TBC1D8B: variants seen among roughly 807,000 people sequenced by gnomAD.
TBC1D8B encodes the protein TBC1 domain family member 8B.
A neutral mutation model predicts 82.9 loss-of-function variants in TBC1D8B; 75 were observed. That is an observed-to-expected ratio of 0.90 (90% confidence interval 0.75 to 1.10). The LOEUF is 1.10. TBC1D8B is among the 50% of genes least tolerant of loss of function. The probability of loss-of-function intolerance (pLI) is 0.00; values close to 1 mark genes in which losing one functional copy is unlikely to be tolerated. For synonymous variants in TBC1D8B, 276 were observed against 276.8 expected (o/e 1.00, Z 0.03); for missense variants, 794 against 796.9 (o/e 1.00, Z 0.04).
At chrX:106,812,237 A>G (rs1304966155) in intron 1 of TBC1D8B, among the ~76,000 whole-genome samples, 1 of 111,684 alleles carries the variant, frequency 9.0e-6, no homozygotes, top group Non-Finnish European at 1.9e-5. Context: ...CACAAACTTT[A>G]TTGAGCACAC....
rs138021287 is a variant in TBC1D8B at position 106,839,341 on chromosome X, G to C, written c.1237G>C (p.Asp413His). The C allele has an allele frequency of 3.0e-5, 36 of 1,184,973 alleles. No individual in the cohort carries two copies. The African/African-American group carries it at 4.4e-4, about 15-fold the overall frequency. Residue 413 changes from aspartate to histidine, a missense_variant, in exon 8 of 21, where the codon GAT (aspartate) becomes CAT (histidine). Transcript: ENST00000357242. ...TAGTTCTGAGTCTACAGAGCCATCT[G>C]ATAATTTTGAGGTGCAATCTTTGAC... is the stretch of plus-strand genomic sequence containing the variant. Reference protein sequence around the residue: ...AISSESTEPSDNFEVQSLTSQ... With the variant: ...AISSESTEPSHNFEVQSLTSQ...
At chrX:106,813,494 G>C (rs1931439533) in intron 1 of TBC1D8B, among the ~76,000 whole-genome samples, 2 of 111,731 alleles carry the variant, frequency 1.8e-5, no homozygotes, top group Admixed American at 9.5e-5. Flanking sequence ...CATTTCTGCT[G>C]CCAAAAAGTG....
At chrX:106,861,622 A>G (rs1468921785) in intron 14 of TBC1D8B, among the ~76,000 whole-genome samples, 2 of 111,708 alleles carry the variant, frequency 1.8e-5, no homozygotes, top group African/African-American at 6.5e-5. Flanking sequence ...ATGTCATTGC[A>G]TGTGAGATAG....
intron 11 of TBC1D8B, chrX:106,849,234 T>G: frequency 8.9e-7 from 1 of 1,125,432 alleles, no homozygotes; most frequent in Non-Finnish European, 1.2e-6. Context: ...TTTTTTTTTT[T>G]TTTTTTTTAG....
chrX:106,844,858 T>C (rs769692592), intron 10 of TBC1D8B, among the ~76,000 whole-genome samples: 1 of 111,137 alleles, frequency 9.0e-6, no homozygotes, highest in African/African-American at 3.3e-5. Context: ...CCATCTGCTC[T>C]TAGAGTTTGC....
At position 106,821,115 on chromosome X, in the gene TBC1D8B, C is replaced by T. The variant is rs73531153; in HGVS notation, c.360+120C>T. 0.023 allele frequency: 9,181 copies of T among 400,985 alleles called. 733 individuals carry two copies. Among genetic ancestry groups the T allele is most frequent in the African/African-American group, 0.22 (8,191 of 37,922 alleles). The allele number at this position is 400,985 out of a possible 1,213,427, so 33.0% of individuals were successfully genotyped here. A position where few individuals can be genotyped will look rare whatever the true frequency, so the allele number is the denominator to read the frequency against. On this transcript the variant is annotated intron_variant, in intron 3 of 20. Coordinates refer to ENST00000357242, the MANE Select transcript of TBC1D8B (RefSeq NM_017752.3). ...TGGCACCTTTCAGGATTGGTAGAAA[C>T]GAACATATGAATTTCAGAATCAGTG...
intron 1 of TBC1D8B, among the ~76,000 whole-genome samples, chrX:106,811,755 A>T (rs1234985536): frequency 9.0e-6 from 1 of 111,272 alleles, no homozygotes; most frequent in Non-Finnish European, 1.9e-5. Flanking sequence ...TCTGAGGGTT[A>T]CTCTTTTTGT....
chrX:106,873,620 C>A lies in TBC1D8B; in HGVS notation c.3018C>A (p.Asp1006Glu), dbSNP rs763532292. The stretch of plus-strand genomic sequence containing the variant: ...CCCTCTATAACTTATTTCATGAGGA[C>A]CCTGAAGAAGAATCATTATATCAAG... ...SKTLYNLFHE[D>E]PEEESLYQAI... Residue 1006 changes from aspartate to glutamate, a missense_variant, in exon 21 of 21, where the codon GAC (aspartate) becomes GAA (glutamate). By Grantham distance (45) the Asp-to-Glu change is conservative. Transcript: ENST00000357242. The A allele has an allele frequency of 1.7e-6, 2 of 1,209,045 alleles. No individual in the cohort carries two copies. The highest frequency in any genetic ancestry group is 2.2e-5 in the Admixed American group (1 of 45,639).
intron 7 of TBC1D8B, among the ~76,000 whole-genome samples, chrX:106,837,376 G>A (rs1569452789): frequency 9.0e-6 from 1 of 111,537 alleles, no homozygotes; most frequent in Non-Finnish European, 1.9e-5. Context: ...TTTAAAAATG[G>A]TTAAAGGATT....
At position 106,822,168 on chromosome X, in the gene TBC1D8B, T is replaced by G. The variant is rs1321906365; in HGVS notation, c.552T>G (p.Phe184Leu). 8.3e-7 allele frequency: 1 copy of G among 1,206,768 alleles called. No homozygotes were observed. Among genetic ancestry groups the G allele is most frequent in the African/African-American group, 1.7e-5 (1 of 57,484 alleles). Residue 184 changes from phenylalanine (F) to leucine (L), a missense_variant, in exon 4 of 21, where the codon TTT becomes TTG. Transcript: ENST00000357242. ...CQGWLYLSTNFLSFYSFLLGS... is the reference protein window; with the variant it reads ...CQGWLYLSTNLLSFYSFLLGS... Reference sequence around the variant, plus strand: ...GTTGGCTTTATCTTAGCACCAACTTTCTGAGCTTCTATTCTTTTTTGTTGG... The same window carrying G: ...GTTGGCTTTATCTTAGCACCAACTTGCTGAGCTTCTATTCTTTTTTGTTGG...
chrX:106,829,930 C>A (rs1219749124), intron 7 of TBC1D8B: 1 of 110,970 alleles, frequency 9.0e-6, no homozygotes, highest in Non-Finnish European at 1.9e-5. Flanking sequence ...CAACAAAAGC[C>A]AAAATTGACA....
At chrX:106,821,809 AT>A (rs376190595) in intron 3 of TBC1D8B, among the ~76,000 whole-genome samples, 167 bp from the exon 4 acceptor site, 6 of 111,324 alleles carry the variant, frequency 5.4e-5, no homozygotes, top group African/African-American at 9.8e-5. Context: ...ACTTTGTAGA[AT>A]TTTTTTCCCA....
Position 106,826,217 on chromosome X carries a change from G to T in TBC1D8B, c.1015G>T (p.Val339Leu), listed in dbSNP as rs776290218. Reference sequence around the variant, plus strand: ...TAGCCAAGATGGCAATCAGTGTAGTGTAATCATTCCACTACGAGAGGTAAT... The same window carrying T: ...TAGCCAAGATGGCAATCAGTGTAGTTTAATCATTCCACTACGAGAGGTAAT... The part of the protein sequence containing the change: ...FASQDGNQCS[V>L]IIPLREVLAI... The change falls in exon 6 of 21, where the codon GTA becomes TTA. Residue 339 changes from valine (V) to leucine (L), a missense_variant. By Grantham distance (32) the Val-to-Leu change is conservative (BLOSUM62 1). Coordinates refer to ENST00000357242, the MANE Select transcript of TBC1D8B (RefSeq NM_017752.3). The T allele has an allele frequency of 1.7e-6, 2 of 1,209,026 alleles. No individual in the cohort carries two copies. Among genetic ancestry groups the T allele is most frequent in the Admixed American group, 2.2e-5 (1 of 45,711 alleles).
chrX:106,829,905 C>T (rs1283103400), intron 7 of TBC1D8B: 3 of 111,089 alleles, frequency 2.7e-5, no homozygotes, highest in Non-Finnish European at 5.6e-5. Flanking sequence ...ATGTCTAAAA[C>T]ACCAAAAGCA....
chrX:106,875,382 A>G lies in TBC1D8B; in HGVS notation c.*1417A>G. ...GAATCCACTGTGAACAAAGCTTAAC[A>G]CATGGGGCTTCATCGCTCATAGAAT... On this transcript the variant is annotated 3_prime_UTR_variant, in exon 21 of 21. Transcript: ENST00000357242. 1 of 112,057 alleles carries G rather than the reference A, an allele frequency of 8.9e-6. No homozygotes were observed. Among genetic ancestry groups the G allele is most frequent in the Non-Finnish European group, 1.9e-5 (1 of 53,221 alleles). 9.2% of individuals were successfully genotyped at this position (112,057 alleles called of 1,213,427 possible).
chrX:106,836,292 G>T, intron 7 of TBC1D8B, among the ~76,000 whole-genome samples: 1 of 111,502 alleles, frequency 9.0e-6, no homozygotes, highest in Non-Finnish European at 1.9e-5. Flanking sequence ...CATGAGAACA[G>T]CATGAGGTAA....
In TBC1D8B at chrX:106,850,115, C is replaced by A; in HGVS notation, c.1928C>A (p.Ser643Tyr). The A allele has an allele frequency of 8.3e-7, 1 of 1,211,227 alleles. No homozygotes were observed. The highest frequency in any genetic ancestry group is 1.1e-6 in the Non-Finnish European group (1 of 895,175). The change falls in exon 12 of 21, where the codon TCC (serine) becomes TAC (tyrosine). Residue 643 changes from serine to tyrosine, a missense_variant. Ser to Tyr is a moderately radical substitution (Grantham distance 144, BLOSUM62 -2). Coordinates refer to ENST00000357242, the MANE Select transcript of TBC1D8B (RefSeq NM_017752.3). Reference protein sequence around the residue: ...TEHMTDMTFFSSVSLSWFLTL... With the variant: ...TEHMTDMTFFYSVSLSWFLTL... ...CACATGACTGATATGACATTCTTTT[C>A]CTCAGTTTCTCTCTCTTGGTTTCTC...
chrX:106,803,125 C>A, intron 1 of TBC1D8B, 142 bp downstream of exon 1: 1 of 687,079 alleles, frequency 1.5e-6, no homozygotes, highest in Non-Finnish European at 2.0e-6. Flanking sequence ...CCGACACCAC[C>A]TTTCCGCCAC....
intron 7 of TBC1D8B, among the ~76,000 whole-genome samples, chrX:106,836,845 A>G (rs1386518652): frequency 8.9e-6 from 1 of 111,927 alleles, no homozygotes; most frequent in African/African-American, 3.2e-5. Context: ...GGAGACATGT[A>G]GATCAATGTA....
Sources: gnomAD v4.1 joint callset for allele counts (sites outside exome capture counted in the v4.1 genomes callset) on GRCh38, gnomAD v4.1.1 for gene constraint, MANE v1.5 for transcripts, NCBI Gene and HGNC (gene_info 2026-07-23, HGNC 2026-07-21) for gene names.